The following QTGAL variants were observed in gnomAD, a reference collection of about 807,000 sequenced individuals.
QTGAL encodes the protein queuosine-tRNA galactosyltransferase.
chr17:83,024,498 G>A, the QTGAL span, among the ~76,000 whole-genome samples: 1 of 152,256 alleles, frequency 6.6e-6, no homozygotes, highest in African/African-American at 2.4e-5. Context: ...TCCAAGTGAG[G>A]TGGGTTGCGT....
chr17:83,051,587 C>T, the QTGAL span: 1 of 824,660 alleles, frequency 1.2e-6, no homozygotes, highest in Non-Finnish European at 1.7e-6. Context: ...CCCGCGGGGC[C>T]TAAGGGCTGC....
chr17:82,957,168 CG>C, the QTGAL span: 1 of 1,614,092 alleles, frequency 6.2e-7, no homozygotes, highest in Non-Finnish European at 8.5e-7. Context: ...TGACACCATG[CG>C]GCCCTGCACA....
At chr17:83,044,789 C>CA in the QTGAL span, among the ~76,000 whole-genome samples, 2 of 152,076 alleles carry the variant, frequency 1.3e-5, no homozygotes, top group African/African-American at 4.8e-5. Flanking sequence ...ACTAGAAATA[C>CA]AAAAAAATTA....
the QTGAL span, chr17:82,956,787 C>T: frequency 1.3e-6 from 2 of 1,568,092 alleles, no homozygotes. The surrounding 1 kb of genome is among the most constrained non-coding windows in gnomAD (Gnocchi z 5.7). Context: ...TGACAGTGGC[C>T]ATCAGTCCTG....
the QTGAL span, among the ~76,000 whole-genome samples, chr17:83,014,095 T>C: frequency 6.6e-6 from 1 of 152,106 alleles, no homozygotes; most frequent in African/African-American, 2.4e-5. Flanking sequence ...GTTCTAAAGA[T>C]AAAAACCGTA....
the QTGAL span, among the ~76,000 whole-genome samples, chr17:83,028,331 T>C: frequency 8.5e-3 from 1,292 of 151,154 alleles, 14 homozygotes; most frequent in South Asian, 0.037. Context: ...GAGACCATCC[T>C]GGCTAACACG....
chr17:83,000,069 T>C, the QTGAL span, among the ~76,000 whole-genome samples: 1 of 152,188 alleles, frequency 6.6e-6, no homozygotes, highest in Non-Finnish European at 1.5e-5. Flanking sequence ...TTCAAGCGAT[T>C]CTCCTGCCTC....
the QTGAL span, among the ~76,000 whole-genome samples, chr17:82,964,887 G>T: frequency 9.3e-6 from 1 of 107,362 alleles, no homozygotes; most frequent in Non-Finnish European, 1.9e-5. Context: ...GGGGGACGGT[G>T]ACACGGACGC....
the QTGAL span, among the ~76,000 whole-genome samples, chr17:82,970,687 A>ACCTCCCCACCCAGTGT: frequency 1.2e-5 from 1 of 81,614 alleles, no homozygotes; most frequent in Admixed American, 1.3e-4. Flanking sequence ...CCGTGATGCG[A>ACCTCCCCACCCAGTGT]GGCCTCTGCA....
the QTGAL span, among the ~76,000 whole-genome samples, chr17:82,997,273 C>G: frequency 1.3e-5 from 2 of 152,180 alleles, no homozygotes; most frequent in African/African-American, 4.8e-5. Context: ...AAATAGCAAA[C>G]AGGCACATGA....
the QTGAL span, among the ~76,000 whole-genome samples, chr17:82,986,592 T>C: frequency 6.6e-6 from 1 of 152,354 alleles, no homozygotes; most frequent in East Asian, 1.9e-4. Context: ...TGTTATGGAA[T>C]AGAACTTGAA....
chr17:83,035,230 A>C, the QTGAL span: 32,336 of 704,598 alleles, frequency 0.046, 2,798 homozygotes, highest in African/African-American at 0.3. Context: ...CCCAGGCTGG[A>C]GTGCAGTGGC....
At chr17:82,982,120 GCC>G in the QTGAL span, among the ~76,000 whole-genome samples, 1 of 137,972 alleles carries the variant, frequency 7.2e-6, no homozygotes, top group Non-Finnish European at 1.6e-5. Context: ...GGGTGGAGGA[GCC>G]TCCATCCTTC....
At chr17:82,957,258 A>G in the QTGAL span, 2 of 1,614,144 alleles carry the variant, frequency 1.2e-6, no homozygotes, top group South Asian at 1.1e-5. Flanking sequence ...ACCTGGGGAC[A>G]AGCACAGAAG....
chr17:82,953,237 ATGAC>A, the QTGAL span, among the ~76,000 whole-genome samples: 1 of 152,154 alleles, frequency 6.6e-6, no homozygotes, highest in Non-Finnish European at 1.5e-5. Context: ...AAAAAAATCA[ATGAC>A]TGGTTTTTTG....
At chr17:82,962,315 G>C in the QTGAL span, among the ~76,000 whole-genome samples, 1 of 152,252 alleles carries the variant, frequency 6.6e-6, no homozygotes, top group East Asian at 1.9e-4. Context: ...AAACCACGAT[G>C]ACATGGAAAG....
the QTGAL span, among the ~76,000 whole-genome samples, chr17:82,992,118 G>A: frequency 2.0e-5 from 3 of 152,166 alleles, no homozygotes; most frequent in Non-Finnish European, 2.9e-5. Flanking sequence ...AAAGGAGGTA[G>A]AGAGATAGGG....
chr17:82,971,681 G>GA, the QTGAL span, among the ~76,000 whole-genome samples: 1 of 17,140 alleles, frequency 5.8e-5, no homozygotes, highest in Non-Finnish European at 1.0e-4. Context: ...AGGACCTGGT[G>GA]CCCACCACAC....
the QTGAL span, among the ~76,000 whole-genome samples, chr17:83,034,523 G>A: frequency 6.6e-6 from 1 of 150,870 alleles, no homozygotes. Flanking sequence ...ATTAATAACT[G>A]ATAAGGTTGG....
Sources: gnomAD v4.1 joint callset for allele counts (sites outside exome capture counted in the v4.1 genomes callset) on GRCh38, gnomAD v4.1.1 for gene constraint, Gnocchi (gnomAD v3.1) non-coding constraint, MANE v1.5 for transcripts, NCBI Gene and HGNC (gene_info 2026-07-23, HGNC 2026-07-21) for gene names.